The following NIT2 variants were observed in gnomAD, a reference collection of about 807,000 sequenced individuals.
NIT2 encodes the protein omega-amidase NIT2.
Under a neutral mutation model 42.7 loss-of-function variants are expected in NIT2, and 46 were observed. That is an observed-to-expected ratio of 1.08 (90% CI 0.85 to 1.38). The LOEUF is 1.38. Among genes scored for constraint, NIT2 ranks in the 40% most tolerant of loss-of-function variants. The pLI is 0.00. For missense variants in NIT2, 309 were observed against 342.5 expected (o/e 0.90, Z 0.77); for synonymous variants, 123 against 121.9 (o/e 1.01, Z -0.06).
Position 100,345,592 on chromosome 3 carries a change from T to G in NIT2, c.344T>G (p.Leu115Arg). The G allele has an allele frequency of 6.2e-7, 1 of 1,607,974 alleles. No individual in the cohort carries two copies. Among genetic ancestry groups the G allele is most frequent in the Non-Finnish European group, 8.5e-7 (1 of 1,175,004 alleles). The change falls in exon 5 of 10, where the codon CTG becomes CGG. Residue 115 changes from leucine to arginine, a missense_variant. Transcript: ENST00000394140. ...CCATTATTTGTGATGCAGATCCATC[T>G]GTTTGACATTGATGTTCCTGGAAAA... Reference protein sequence around the residue: ...TLLAKYRKIHLFDIDVPGKIT... With the variant: ...TLLAKYRKIHRFDIDVPGKIT...
rs186807245 is a variant in NIT2, at chr3:100,360,593, T to C, written c.*5325T>C. On this transcript the variant is annotated 3_prime_UTR_variant, in exon 10 of 10. Transcript: ENST00000394140. ...ACTGTATCAAAAAAAAAATGCAGTA[T>C]TGATTTAGAGCTAAGGTCACCTGAT... 2.6e-5 allele frequency: 4 copies of C among 152,230 alleles called. No homozygotes were observed. The highest frequency in any genetic ancestry group is 2.1e-4 in the South Asian group (1 of 4,816). 9.4% of individuals were successfully genotyped at this position (152,230 alleles called of 1,614,324 possible).
At chr3:100,335,912 T>A (rs925181738) in intron 1 of NIT2, among the ~76,000 whole-genome samples, 4 of 152,312 alleles carry the variant, frequency 2.6e-5, no homozygotes, top group Middle Eastern at 3.4e-3. Context: ...CTTGGGAAGC[T>A]GAGGAGGGAG....
At chr3:100,343,994 G>A (rs576311145) in intron 4 of NIT2, among the ~76,000 whole-genome samples, 3 of 152,204 alleles carry the variant, frequency 2.0e-5, no homozygotes, top group East Asian at 1.9e-4. Flanking sequence ...TCTTTGAAAC[G>A]TGGGCAGCAA....
chr3:100,339,153 G>A lies in NIT2; in HGVS notation c.74G>A (p.Cys25Tyr). 1 of 1,614,102 alleles carries A rather than the reference G, an allele frequency of 6.2e-7. No individual in the cohort carries two copies. Among genetic ancestry groups the A allele is most frequent in the Admixed American group, 1.7e-5 (1 of 60,020 alleles). ...SIKSDNVTRA[C>Y]SFIREAATQG... ...AAATCAGATAACGTCACTCGCGCTTGTAGCTTCATCCGGGAGGCAGCAACG... is the reference window on the plus strand; with the variant it reads ...AAATCAGATAACGTCACTCGCGCTTATAGCTTCATCCGGGAGGCAGCAACG... Residue 25 changes from cysteine (C) to tyrosine (Y), a missense_variant, in exon 2 of 10, where the codon TGT becomes TAT. Coordinates refer to ENST00000394140, the MANE Select transcript of NIT2 (RefSeq NM_020202.5).
intron 3 of NIT2, among the ~76,000 whole-genome samples, chr3:100,340,524 C>T (rs1355465171): frequency 1.3e-5 from 2 of 152,038 alleles, no homozygotes; most frequent in African/African-American, 4.8e-5. Flanking sequence ...ATAAATATAG[C>T]AAATACAATT....
Position 100,355,173 on chromosome 3 carries a change from G to C in NIT2, c.740-4G>C. On this transcript the variant is annotated splice_polypyrimidine_tract_variant and splice_region_variant and intron_variant, in intron 9 of 9. Coordinates refer to ENST00000394140, the MANE Select transcript of NIT2 (RefSeq NM_020202.5). ...TTAATAGTGCACTTTCCTGTTTTTT[G>C]CAGACCTGAAGAAGCTGGCTGAAAT... is the stretch of plus-strand genomic sequence containing the variant. 1.2e-6 allele frequency: 2 copies of C among 1,612,380 alleles called. No homozygotes were observed. The highest frequency in any genetic ancestry group is 1.7e-6 in the Non-Finnish European group (2 of 1,178,974).
At chr3:100,338,663 C>G (rs1273392324) in intron 1 of NIT2, among the ~76,000 whole-genome samples, 3 of 152,196 alleles carry the variant, frequency 2.0e-5, no homozygotes, top group Admixed American at 6.5e-5. Context: ...CATGAACAAA[C>G]AGTAAGGGAC....
chr3:100,346,088 G>A (rs1191334022), intron 5 of NIT2, 93 bp from the exon 6 acceptor site: 7 of 966,206 alleles, frequency 7.2e-6, no homozygotes, highest in African/African-American at 1.6e-5. Flanking sequence ...CCCTGTCAGT[G>A]TTTTGTGATC....
In NIT2 at chr3:100,334,783, T is replaced by G. The variant is rs770889442; in HGVS notation, c.-9T>G. ...GTCCGCGCCGCAGGTGGTGCTTGTC[T>G]GCAGAGTCATGACCTGTAAGTGGCG... On this transcript the variant is annotated 5_prime_UTR_variant, in exon 1 of 10. Transcript: ENST00000394140. 22 of 1,302,788 alleles carry G rather than the reference T, an allele frequency of 1.7e-5. No individual in the cohort carries two copies. In the South Asian group the frequency reaches 2.3e-4, roughly 14 times the overall value. The allele number at this position is 1,302,788 out of a possible 1,614,324, so 80.7% of individuals were successfully genotyped here. A position where few individuals can be genotyped will look rare whatever the true frequency, so the allele number is the denominator to read the frequency against.
In NIT2 at chr3:100,339,190, A is replaced by C. The variant is rs199884284; in HGVS notation, c.111A>C (p.Lys37Asn). ...FIREAATQGA[K>N]IVSLPECFNS... Reference sequence around the variant, plus strand: ...GGGAGGCAGCAACGCAAGGAGCCAAAATAGTTTCTTTGCCGGTCAGTATGG... The same window carrying C: ...GGGAGGCAGCAACGCAAGGAGCCAACATAGTTTCTTTGCCGGTCAGTATGG... The change falls in exon 2 of 10, where the codon AAA (lysine) becomes AAC (asparagine). Residue 37 changes from lysine to asparagine, a missense_variant. Lys to Asn is a moderately conservative substitution (Grantham distance 94). Transcript: ENST00000394140. 2 of 1,611,226 alleles carry C rather than the reference A, an allele frequency of 1.2e-6. No individual in the cohort carries two copies. Among genetic ancestry groups the C allele is most frequent in the South Asian group, 2.2e-5 (2 of 91,014 alleles).
At position 100,356,874 on chromosome 3, in the gene NIT2, A is replaced by G. The variant is rs1237591213; in HGVS notation, c.*1606A>G. ...TATATAAAAATGAAATCATGCCATT[A>G]GTGCTTTTTCTGTATGTCTTCTTTC... On this transcript the variant is annotated 3_prime_UTR_variant, in exon 10 of 10. Coordinates refer to ENST00000394140, the MANE Select transcript of NIT2 (RefSeq NM_020202.5). 6.6e-6 allele frequency: 1 copy of G among 152,242 alleles called. No individual in the cohort carries two copies. The highest frequency in any genetic ancestry group is 2.4e-5 in the African/African-American group (1 of 41,472). The allele number at this position is 152,242 out of a possible 1,614,324, so 9.4% of individuals were successfully genotyped here. A position where few individuals can be genotyped will look rare whatever the true frequency, so the allele number is the denominator to read the frequency against.
Position 100,360,236 on chromosome 3 carries a change from G to C in NIT2, c.*4968G>C, listed in dbSNP as rs1706366316. 1 of 152,246 alleles carries C rather than the reference G, an allele frequency of 6.6e-6. No homozygotes were observed. The highest frequency in any genetic ancestry group is 1.5e-5 in the Non-Finnish European group (1 of 68,060). The allele number at this position is 152,246 out of a possible 1,614,324, so 9.4% of individuals were successfully genotyped here. A position where few individuals can be genotyped will look rare whatever the true frequency, so the allele number is the denominator to read the frequency against. On this transcript the variant is annotated 3_prime_UTR_variant, in exon 10 of 10. Coordinates refer to ENST00000394140, the MANE Select transcript of NIT2 (RefSeq NM_020202.5). ...ATCTGGGAAGAGCCTGGGACGTGATGTAACTTCATATGCTGTAGAGCTGAA... is the reference window on the plus strand; with the variant it reads ...ATCTGGGAAGAGCCTGGGACGTGATCTAACTTCATATGCTGTAGAGCTGAA...
At chr3:100,353,397 A>G (rs1251516714) in intron 8 of NIT2, among the ~76,000 whole-genome samples, 4 of 152,264 alleles carry the variant, frequency 2.6e-5, no homozygotes, top group African/African-American at 7.2e-5. Context: ...TAGGGCTCAG[A>G]GCTCAATGTG....
intron 4 of NIT2, 84 bp from the exon 5 acceptor site, chr3:100,345,501 G>C: frequency 1.1e-6 from 1 of 909,266 alleles, no homozygotes; most frequent in Non-Finnish European, 1.8e-6. Flanking sequence ...AGCACCTTCC[G>C]TATCTGCCCG....
intron 5 of NIT2, 155 bp from the exon 6 acceptor site, chr3:100,346,026 G>A: frequency 1.6e-6 from 1 of 631,860 alleles, no homozygotes; most frequent in Admixed American, 2.7e-5. Context: ...TGAAGTCCAA[G>A]TAGGAATGAG....
At chr3:100,339,695 CTG>C (rs1406966255) in intron 2 of NIT2, 118 bp from the exon 3 acceptor site, 3 of 923,454 alleles carry the variant, frequency 3.2e-6, no homozygotes, top group Non-Finnish European at 3.3e-6. Context: ...TTCTTATTAG[CTG>C]TGTTTTAACC....
rs992555293 is a variant in NIT2 at position 100,359,416 on chromosome 3, G to C, written c.*4148G>C. The C allele has an allele frequency of 6.6e-6, 1 of 152,168 alleles. No homozygotes were observed. Among genetic ancestry groups the C allele is most frequent in the Non-Finnish European group, 1.5e-5 (1 of 68,042 alleles). 9.4% of individuals were successfully genotyped at this position (152,168 alleles called of 1,614,324 possible). On this transcript the variant is annotated 3_prime_UTR_variant, in exon 10 of 10. Coordinates refer to ENST00000394140, the MANE Select transcript of NIT2 (RefSeq NM_020202.5). ...CTCAGAACAAAGAGCACGCCATCCT[G>C]TAAAGTACTCTTCCTGATTTTTTTT... is the stretch of plus-strand genomic sequence containing the variant.
chr3:100,348,789 T>G lies in NIT2; in HGVS notation c.506-14T>G, dbSNP rs756854535. 1.6e-4 allele frequency: 253 copies of G among 1,613,238 alleles called. No individual in the cohort carries two copies. Among genetic ancestry groups the G allele is most frequent in the Non-Finnish European group, 2.1e-4 (252 of 1,179,382 alleles). On this transcript the variant is annotated splice_polypyrimidine_tract_variant and intron_variant, in intron 6 of 9. Coordinates refer to ENST00000394140, the MANE Select transcript of NIT2 (RefSeq NM_020202.5). ...TCACTGCATCCACTGTTCTTTGGCT[T>G]TTCTCTCCCCAAGGCTGCCAGCTGT...
intron 1 of NIT2, among the ~76,000 whole-genome samples, chr3:100,336,471 T>C (rs277626): frequency 0.14 from 22,017 of 152,032 alleles, 2,948 homozygotes; most frequent in East Asian, 0.5. Context: ...GAGGATCCCG[T>C]CGGCCTCTGA....
Sources: gnomAD v4.1 joint callset for allele counts (sites outside exome capture counted in the v4.1 genomes callset) on GRCh38, gnomAD v4.1.1 for gene constraint, MANE v1.5 for transcripts, NCBI Gene and HGNC (gene_info 2026-07-23, HGNC 2026-07-21) for gene names.